The following ZNRF3 variants were observed in gnomAD, a reference collection of about 807,000 sequenced individuals.
The protein encoded by ZNRF3 is zinc and ring finger 3, also known as E3 ubiquitin-protein ligase ZNRF3.
In ZNRF3, 23 loss-of-function variants were observed where a neutral mutation model predicts 72.5. The ratio of observed to expected loss-of-function variants is 0.32; its 90% CI spans 0.23 to 0.45. The LOEUF is 0.45. Ranked by LOEUF, ZNRF3 falls within the 20% of genes least tolerant of loss-of-function variation. The probability of loss-of-function intolerance (pLI) is 1.00; values close to 1 mark genes in which losing one functional copy is unlikely to be tolerated. For synonymous variants in ZNRF3, 610 were observed against 545.3 expected (o/e 1.12, Z -1.65); for missense variants, 1,169 against 1,272.1 (o/e 0.92, Z 1.23).
chr22:28,942,745 A>G (rs1314484126), intron 1 of ZNRF3, among the ~76,000 whole-genome samples: 4 of 152,198 alleles, frequency 2.6e-5, no homozygotes, highest in Non-Finnish European at 5.9e-5. Flanking sequence ...GTGTCTTTCA[A>G]CTGGAAAAAT....
At chr22:28,961,478 G>A (rs2035358491) in intron 1 of ZNRF3, among the ~76,000 whole-genome samples, 1 of 152,216 alleles carries the variant, frequency 6.6e-6, no homozygotes, top group Non-Finnish European at 1.5e-5. Context: ...GAAAGATCAT[G>A]TGGAGGCAAT....
At chr22:28,970,524 GAAAT>G (rs2123813038) in intron 1 of ZNRF3, among the ~76,000 whole-genome samples, 1 of 152,282 alleles carries the variant, frequency 6.6e-6, no homozygotes, top group Admixed American at 6.5e-5. Context: ...TTACACAAGA[GAAAT>G]AAAAACATTT....
intron 1 of ZNRF3, among the ~76,000 whole-genome samples, chr22:28,929,755 C>T (rs1347134140): frequency 6.6e-6 from 1 of 152,142 alleles, no homozygotes; most frequent in East Asian, 1.9e-4. Flanking sequence ...TTATCTGATA[C>T]TGTTGGGACC....
chr22:28,945,774 C>T (rs193168373), intron 1 of ZNRF3, among the ~76,000 whole-genome samples: 4 of 151,862 alleles, frequency 2.6e-5, no homozygotes, highest in African/African-American at 4.8e-5. Context: ...GTGATCTGCC[C>T]GCCTCGGCCT....
At chr22:28,971,437 G>A (rs115445715) in intron 1 of ZNRF3, among the ~76,000 whole-genome samples, 339 of 152,260 alleles carry the variant, frequency 2.2e-3, no homozygotes, top group African/African-American at 7.6e-3. Context: ...ACCAGGCCAT[G>A]AAACACCCAA....
At chr22:29,036,746 T>C (rs961661617) in intron 2 of ZNRF3, among the ~76,000 whole-genome samples, 10 of 152,292 alleles carry the variant, frequency 6.6e-5, no homozygotes, top group African/African-American at 2.4e-4. Flanking sequence ...ATTTATTCAA[T>C]GTAGTATTAA....
chr22:29,037,376 A>G (rs2036885821), intron 2 of ZNRF3, among the ~76,000 whole-genome samples: 2 of 152,230 alleles, frequency 1.3e-5, no homozygotes, highest in African/African-American at 2.4e-5. Flanking sequence ...CATAATTGGT[A>G]CATTTGCACT....
In ZNRF3 at chr22:28,990,100, A is replaced by G. The variant is rs568540316; in HGVS notation, c.426+2899A>G. On this transcript the variant is annotated intron_variant, in intron 2 of 8. Transcript: ENST00000544604. ...CGTTGGGATGAGGGCAAGACCCCACAGGGGAGCAGCAGGCCAGGGCGCCAG... is the reference window on the plus strand; with the variant it reads ...CGTTGGGATGAGGGCAAGACCCCACGGGGGAGCAGCAGGCCAGGGCGCCAG... Among the ~76,000 whole-genome samples, 6 of 152,322 alleles carry G rather than the reference A, an allele frequency of 3.9e-5. No homozygotes were observed. The East Asian group carries it at 1.2e-3, about 29-fold the overall frequency.
chr22:29,046,533 A>G (rs1300554622), intron 5 of ZNRF3, among the ~76,000 whole-genome samples, 183 bp from the exon 6 acceptor site: 2 of 152,070 alleles, frequency 1.3e-5, no homozygotes. Flanking sequence ...GATGTCGTGG[A>G]CACCCCACGC....
At chr22:28,974,854 C>T (rs1323718137) in intron 1 of ZNRF3, among the ~76,000 whole-genome samples, 2 of 152,066 alleles carry the variant, frequency 1.3e-5, no homozygotes, top group Admixed American at 6.6e-5. Flanking sequence ...CCAGGTTAGT[C>T]CCAAACTCCT....
intron 1 of ZNRF3, among the ~76,000 whole-genome samples, chr22:28,979,317 G>A (rs1321169542): frequency 1.3e-5 from 2 of 152,164 alleles, no homozygotes; most frequent in East Asian, 3.9e-4. Context: ...GTTGGACGTG[G>A]ATGGGAAAAT....
chr22:28,934,914 GT>G (rs957377050), intron 1 of ZNRF3, among the ~76,000 whole-genome samples: 2 of 150,754 alleles, frequency 1.3e-5, no homozygotes, highest in African/African-American at 2.4e-5. Context: ...TGGGTTTCCA[GT>G]TTTTTTTTCT....
rs150233921 is a variant in ZNRF3 at position 29,007,386 on chromosome 22, C to G, written c.426+20185C>G. ...GCACGGTGGCTCATACCTGTAATCC[C>G]AGCACTTTGGGAAGCCAAGGCAGGG... On this transcript the variant is annotated intron_variant, in intron 2 of 8. Coordinates refer to ENST00000544604, the MANE Select transcript of ZNRF3 (RefSeq NM_001206998.2). 7.5e-3 allele frequency among the ~76,000 whole-genome samples: 1,141 copies of G among 152,304 alleles called. 21 individuals carry two copies. Among genetic ancestry groups the G allele is most frequent in the African/African-American group, 0.027 (1,104 of 41,562 alleles).
intron 2 of ZNRF3, among the ~76,000 whole-genome samples, 162 bp from the exon 3 acceptor site, chr22:29,042,333 G>C (rs539317419): frequency 2.0e-5 from 3 of 152,304 alleles, no homozygotes; most frequent in South Asian, 2.1e-4. Flanking sequence ...CTTCTTTATA[G>C]ATGGGAAAAT....
chr22:29,044,257 T>A (rs910308319), intron 4 of ZNRF3, among the ~76,000 whole-genome samples: 1 of 151,896 alleles, frequency 6.6e-6, no homozygotes, highest in Non-Finnish European at 1.5e-5. Context: ...CTAGAGGGAG[T>A]TTGCTGAACT....
At chr22:29,038,586 C>T (rs960073453) in intron 2 of ZNRF3, among the ~76,000 whole-genome samples, 3 of 152,158 alleles carry the variant, frequency 2.0e-5, no homozygotes, top group Non-Finnish European at 4.4e-5. Context: ...CTGCCTCAAC[C>T]TCCGAAAGTG....
At chr22:28,988,884 G>C (rs2035903532) in intron 2 of ZNRF3, among the ~76,000 whole-genome samples, 1 of 152,128 alleles carries the variant, frequency 6.6e-6, no homozygotes, top group South Asian at 2.1e-4. Context: ...GGGATTACAG[G>C]GTCACCCTAT....
chr22:28,964,151 T>C (rs1319205880), intron 1 of ZNRF3, among the ~76,000 whole-genome samples: 1 of 152,134 alleles, frequency 6.6e-6, no homozygotes, highest in Non-Finnish European at 1.5e-5. Context: ...GTGTCAAATT[T>C]TGAGGCAACC....
rs746159957 is a variant in ZNRF3 at position 28,921,214 on chromosome 22, G to GC, written c.300+37156dup. On this transcript the variant is annotated intron_variant, in intron 1 of 8. Transcript: ENST00000544604. ...CAGTCATTTCTCTTTTAAGTGGGAAGCCCCCCCCACCCCTAGTAGTCTGTT... is the reference window on the plus strand; with the variant it reads ...CAGTCATTTCTCTTTTAAGTGGGAAGCCCCCCCCCACCCCTAGTAGTCTGTT... Among the ~76,000 whole-genome samples the GC allele has an allele frequency of 4.2e-4, 64 of 151,866 alleles. No homozygotes were observed. The East Asian group carries it at 7.9e-3, about 19-fold the overall frequency.
Sources: gnomAD v4.1 joint callset for allele counts (sites outside exome capture counted in the v4.1 genomes callset) on GRCh38, gnomAD v4.1.1 for gene constraint, MANE v1.5 for transcripts, NCBI Gene and HGNC (gene_info 2026-07-23, HGNC 2026-07-21) for gene names.